Variants in CFAP299 observed in about 807,000 individuals in gnomAD.
CFAP299 encodes cilia- and flagella-associated protein 299.
A neutral mutation model predicts 27.0 loss-of-function variants in CFAP299; 21 were observed. The observed-to-expected ratio is 0.78, with a 90% confidence interval of 0.55 to 1.12. The LOEUF (loss-of-function observed/expected upper bound fraction) is 1.12, where lower values mean the gene tolerates loss of function less well. CFAP299 is among the 50% of genes most tolerant of loss of function. The pLI is 0.00. For missense variants in CFAP299, 310 were observed against 276.6 expected, an observed-to-expected ratio of 1.12 and a Z score of -0.86; for synonymous variants, 104 against 98.1, an observed-to-expected ratio of 1.06 and a Z score of -0.36.
chr4:80,384,942 A>G (rs763081679), intron 2 of CFAP299, among the ~76,000 whole-genome samples: 12 of 152,174 alleles, frequency 7.9e-5, no homozygotes, highest in Non-Finnish European at 1.6e-4. Context: ...TAAAAATTAT[A>G]TATATTTGTA....
chr4:80,770,974 T>G (rs1395809503), intron 3 of CFAP299, among the ~76,000 whole-genome samples: 1 of 152,200 alleles, frequency 6.6e-6, no homozygotes, highest in Non-Finnish European at 1.5e-5. Context: ...CACCTAGATA[T>G]TTTGTTTTTC....
intron 5 of CFAP299, among the ~76,000 whole-genome samples, chr4:80,955,432 A>G (rs1010493764): frequency 3.3e-5 from 5 of 152,226 alleles, no homozygotes; most frequent in African/African-American, 1.2e-4. Context: ...AATGCCTGCC[A>G]CAGAGTAGGT....
intron 3 of CFAP299, among the ~76,000 whole-genome samples, chr4:80,779,801 T>C (rs966983684): frequency 6.6e-6 from 1 of 152,042 alleles, no homozygotes; most frequent in African/African-American, 2.4e-5. Flanking sequence ...AAAGATTATC[T>C]GCTTTTATTT....
intron 3 of CFAP299, among the ~76,000 whole-genome samples, chr4:80,800,688 A>T (rs1363622614): frequency 1.7e-5 from 2 of 116,594 alleles, no homozygotes; most frequent in Non-Finnish European, 3.3e-5. Flanking sequence ...ATGATATATT[A>T]TATATATTTA....
chr4:80,632,624 A>C (rs746426057), intron 3 of CFAP299, among the ~76,000 whole-genome samples: 2 of 152,166 alleles, frequency 1.3e-5, no homozygotes, highest in African/African-American at 4.8e-5. Context: ...ATTAACTTAC[A>C]TATATATACA....
intron 1 of CFAP299, among the ~76,000 whole-genome samples, chr4:80,348,699 G>A (rs546529516): frequency 1.3e-5 from 2 of 152,248 alleles, no homozygotes; most frequent in African/African-American, 2.4e-5. Flanking sequence ...TCAGAACTGT[G>A]AGAAAATAAA....
chr4:80,943,540 T>C (rs911847782), intron 4 of CFAP299, among the ~76,000 whole-genome samples: 1 of 152,062 alleles, frequency 6.6e-6, no homozygotes, highest in East Asian at 1.9e-4. Context: ...GGCACCCTGG[T>C]TTGTGTTATT....
chr4:80,540,254 A>C (rs1231366581), intron 2 of CFAP299, among the ~76,000 whole-genome samples: 1 of 152,202 alleles, frequency 6.6e-6, no homozygotes, highest in Non-Finnish European at 1.5e-5. Flanking sequence ...GAATTTCTGG[A>C]GTCTAATTTT....
chr4:80,656,776 C>G (rs1230659205), intron 3 of CFAP299, among the ~76,000 whole-genome samples: 1 of 152,006 alleles, frequency 6.6e-6, no homozygotes, highest in African/African-American at 2.4e-5. Context: ...GTACTTCTGG[C>G]TCTAGATCCT....
At chr4:80,324,486 G>T in the CFAP299 span, among the ~76,000 whole-genome samples, 6 of 152,152 alleles carry the variant, frequency 3.9e-5, no homozygotes, top group East Asian at 1.2e-3. Flanking sequence ...ATCAAAAGTG[G>T]AGACCTAATC....
At chr4:80,910,798 T>C (rs1735431019) in intron 4 of CFAP299, among the ~76,000 whole-genome samples, 1 of 151,948 alleles carries the variant, frequency 6.6e-6, no homozygotes, top group Non-Finnish European at 1.5e-5. Context: ...TACCCTGAAC[T>C]TAAAATAAAA....
At chr4:80,869,143 T>C (rs1259510728) in intron 3 of CFAP299, among the ~76,000 whole-genome samples, 2 of 152,164 alleles carry the variant, frequency 1.3e-5, no homozygotes, top group Non-Finnish European at 2.9e-5. Context: ...GTTTATAATT[T>C]GTGCTGCATA....
intron 3 of CFAP299, among the ~76,000 whole-genome samples, chr4:80,813,126 CAT>C (rs1729240546): frequency 6.6e-6 from 1 of 152,030 alleles, no homozygotes; most frequent in Admixed American, 6.6e-5. Flanking sequence ...GTCCAGTAGA[CAT>C]ATAAAATGCT....
intron 3 of CFAP299, among the ~76,000 whole-genome samples, chr4:80,839,926 G>A (rs1034942381): frequency 6.6e-6 from 1 of 152,018 alleles, no homozygotes; most frequent in Non-Finnish European, 1.5e-5. Flanking sequence ...CCACTCTGAA[G>A]CCTAATATGT....
chr4:80,566,247 C>T (rs574297453), intron 2 of CFAP299, among the ~76,000 whole-genome samples: 36 of 152,176 alleles, frequency 2.4e-4, no homozygotes, highest in Middle Eastern at 3.4e-3. Flanking sequence ...AAGGCATATA[C>T]AGAGGGTATC....
At chr4:80,504,675 G>A (rs1329875111) in intron 2 of CFAP299, among the ~76,000 whole-genome samples, 1 of 147,604 alleles carries the variant, frequency 6.8e-6, no homozygotes, top group Non-Finnish European at 1.5e-5. Flanking sequence ...CAGGTTTCAA[G>A]AATGGGGGAT....
At chr4:80,633,258 C>A (rs1478919447) in intron 3 of CFAP299, among the ~76,000 whole-genome samples, 2 of 152,070 alleles carry the variant, frequency 1.3e-5, no homozygotes, top group African/African-American at 4.8e-5. Flanking sequence ...ACCAGCCTGG[C>A]AAGCATGGTG....
rs188245189 is a variant in CFAP299 at position 80,695,628 on chromosome 4, C to G, written c.333+112445C>G. ...ACCAGTGTAGACCACATATGCTCTA[C>G]TACAGTACAAAATACTGAGGATCTT... On this transcript the variant is annotated intron_variant, in intron 3 of 5. Transcript: ENST00000358105. Among the ~76,000 whole-genome samples the G allele has an allele frequency of 3.8e-4, 58 of 151,518 alleles. 1 individual carries two copies. Among genetic ancestry groups the G allele is most frequent in the Admixed American group, 1.6e-3 (24 of 15,228 alleles).
At chr4:80,939,627 G>A (rs1737092404) in intron 4 of CFAP299, among the ~76,000 whole-genome samples, 1 of 152,056 alleles carries the variant, frequency 6.6e-6, no homozygotes, top group South Asian at 2.1e-4. Context: ...TAAATAATTT[G>A]TCACACAACT....
Sources: allele counts gnomAD v4.1 joint callset (sites outside exome capture counted in the v4.1 genomes callset), GRCh38; gene constraint gnomAD v4.1.1; transcripts MANE v1.5; gene names NCBI Gene and HGNC (gene_info 2026-07-23, HGNC 2026-07-21).